The following SLC22A23 variants were observed in gnomAD, a reference collection of about 807,000 sequenced individuals.
The protein encoded by SLC22A23 is ion transporter protein.
In SLC22A23, 26 loss-of-function variants were observed where a neutral mutation model predicts 61.0. The observed-to-expected ratio is 0.43, with a 90% CI of 0.31 to 0.59. The LOEUF is 0.59. SLC22A23 is among the 20% of genes least tolerant of loss of function. The pLI, the probability that SLC22A23 is intolerant of heterozygous loss-of-function variation, is 0.11. For synonymous variants in SLC22A23, 430 were observed against 413.9 expected (o/e 1.04, Z -0.47); for missense variants, 796 against 934.7 (o/e 0.85, Z 1.94).
chr6:3,421,230 C>A (rs1190851561), intron 1 of SLC22A23, among the ~76,000 whole-genome samples: 1 of 152,132 alleles, frequency 6.6e-6, no homozygotes, highest in Non-Finnish European at 1.5e-5. Flanking sequence ...ATAAACTAGG[C>A]ACTGTTTTTC....
chr6:3,436,172 G>A (rs986812590), intron 1 of SLC22A23, among the ~76,000 whole-genome samples: 4 of 151,260 alleles, frequency 2.6e-5, no homozygotes, highest in Non-Finnish European at 4.4e-5. Context: ...TTTTTTTTGA[G>A]ACGGAGTCTC....
rs1758551161 is a variant in SLC22A23, at chr6:3,272,672, C to T, written c.*383G>A. On this transcript the variant is annotated 3_prime_UTR_variant, in exon 10 of 10. Transcript: ENST00000406686. ...TCCTGGGTGCTGCCAGGAGCCGTGT[C>T]CCATCTCCCCAGAGGGACCGGCCAT... 1 of 158,686 alleles carries T rather than the reference C, an allele frequency of 6.3e-6. No individual in the cohort carries two copies. Among genetic ancestry groups the T allele is most frequent in the African/African-American group, 2.4e-5 (1 of 41,632 alleles). The allele number at this position is 158,686 out of a possible 1,614,324, so 9.8% of individuals were successfully genotyped here.
At chr6:3,287,974 C>T (rs567002097) in intron 6 of SLC22A23, among the ~76,000 whole-genome samples, 7 of 152,310 alleles carry the variant, frequency 4.6e-5, no homozygotes, top group East Asian at 1.9e-4. Flanking sequence ...TGTGAGCCAC[C>T]GCACCCGGCC....
intron 9 of SLC22A23, among the ~76,000 whole-genome samples, chr6:3,274,164 G>GTAGA (rs1273904138): frequency 6.6e-6 from 1 of 152,212 alleles, no homozygotes; most frequent in African/African-American, 2.4e-5. Context: ...CCAGGGATTA[G>GTAGA]TAGATACGCA....
intron 9 of SLC22A23, chr6:3,283,564 C>G: frequency 2.5e-6 from 1 of 398,986 alleles, no homozygotes; most frequent in Non-Finnish European, 4.8e-6. Flanking sequence ...CTGCACTCCC[C>G]CCCTTGCCAG....
In SLC22A23 at chr6:3,379,249, C is replaced by G. The variant is rs115929624; in HGVS notation, c.913+30939G>C. ...CCTCCACCAAGGGGACTTCGGCTTC[C>G]CCCAATAAACATGCTCTTTCCTCTT... On this transcript the variant is annotated intron_variant, in intron 3 of 9. Coordinates refer to ENST00000406686, the MANE Select transcript of SLC22A23 (RefSeq NM_015482.2). Among the ~76,000 whole-genome samples, 1,210 of 152,252 alleles carry G rather than the reference C, an allele frequency of 7.9e-3. 16 individuals carry two copies. The highest frequency in any genetic ancestry group is 0.027 in the African/African-American group (1,127 of 41,548).
At chr6:3,391,337 T>A (rs1767647292) in intron 3 of SLC22A23, among the ~76,000 whole-genome samples, 1 of 152,242 alleles carries the variant, frequency 6.6e-6, no homozygotes, top group African/African-American at 2.4e-5. Context: ...CAAATCCATC[T>A]GGGTCATGAG....
chr6:3,354,668 G>A (rs1764966181), intron 3 of SLC22A23, among the ~76,000 whole-genome samples: 1 of 152,222 alleles, frequency 6.6e-6, no homozygotes, highest in African/African-American at 2.4e-5. Flanking sequence ...AAGAGTGTTA[G>A]GGGGAAGTCA....
Position 3,299,998 on chromosome 6 carries a change from C to CCTTTTTTTTTTTTTT in SLC22A23, c.1083-1781_1083-1780insAAAAAAAAAAAAAAG, listed in dbSNP as rs1761465869. 2.5e-5 allele frequency among the ~76,000 whole-genome samples: 2 copies of CCTTTTTTTTTTTTTT among 78,802 alleles called. 1 individual carries two copies. Among genetic ancestry groups the CCTTTTTTTTTTTTTT allele is most frequent in the African/African-American group, 8.9e-5 (2 of 22,570 alleles). 51.7% of individuals were successfully genotyped at this position (78,802 alleles called of 152,430 possible). ...ACCTGCTTTGCAAGCTCAGGATAGA[C>CCTTTTTTTTTTTTTT]TTTTTTTTTTTTTTTTTTTTTTTTT... On this transcript the variant is annotated intron_variant, in intron 4 of 9. Transcript: ENST00000406686.
At chr6:3,441,009 A>G (rs1377125390) in intron 1 of SLC22A23, among the ~76,000 whole-genome samples, 2 of 152,338 alleles carry the variant, frequency 1.3e-5, no homozygotes, top group East Asian at 3.9e-4. Flanking sequence ...TCTGTAGTGG[A>G]GAGACCACAT....
At chr6:3,378,430 G>A (rs565807155) in intron 3 of SLC22A23, among the ~76,000 whole-genome samples, 1 of 152,178 alleles carries the variant, frequency 6.6e-6, no homozygotes. Context: ...AGCGACCATT[G>A]CTGCTGTTGC....
intron 5 of SLC22A23, among the ~76,000 whole-genome samples, chr6:3,295,129 A>T (rs1760962299): frequency 6.6e-6 from 1 of 152,272 alleles, no homozygotes; most frequent in South Asian, 2.1e-4. Flanking sequence ...GTCTGGCTCT[A>T]CAGACGGGCC....
chr6:3,361,261 G>A (rs1489645403), intron 3 of SLC22A23, among the ~76,000 whole-genome samples: 2 of 150,242 alleles, frequency 1.3e-5, no homozygotes, highest in Non-Finnish European at 1.5e-5. Flanking sequence ...CCCAAGCCCT[G>A]CCCTTTAGAG....
At chr6:3,417,397 T>G (rs369166942) in intron 1 of SLC22A23, among the ~76,000 whole-genome samples, 17 of 152,310 alleles carry the variant, frequency 1.1e-4, no homozygotes, top group African/African-American at 3.8e-4. Context: ...AAGGGCCTCA[T>G]CAATAAAAGA....
Position 3,325,872 on chromosome 6 carries a change from A to G in SLC22A23, c.914-1870T>C, listed in dbSNP as rs573714674. Among the ~76,000 whole-genome samples the G allele has an allele frequency of 7.2e-5, 11 of 152,352 alleles. No homozygotes were observed. In the South Asian group the frequency reaches 2.1e-3, roughly 29 times the overall value. On this transcript the variant is annotated intron_variant, in intron 3 of 9. Coordinates refer to ENST00000406686, the MANE Select transcript of SLC22A23 (RefSeq NM_015482.2). ...TCCAGGTAACCTTTAAACAAAGTCA[A>G]AGAGATAATGTGGAAACAGCATGAT...
intron 6 of SLC22A23, among the ~76,000 whole-genome samples, chr6:3,287,892 A>G (rs1217549817): frequency 6.6e-6 from 1 of 152,038 alleles, no homozygotes; most frequent in Non-Finnish European, 1.5e-5. Flanking sequence ...ACCATGTTGG[A>G]CAGGCTGGCC....
At chr6:3,306,823 C>T (rs1008888556) in intron 4 of SLC22A23, among the ~76,000 whole-genome samples, 5 of 152,186 alleles carry the variant, frequency 3.3e-5, no homozygotes, top group Non-Finnish European at 7.3e-5. Context: ...TCTAAAGAGC[C>T]GTTCAGGACA....
intron 3 of SLC22A23, chr6:3,377,694 G>A (rs1050675611): frequency 6.6e-6 from 1 of 152,308 alleles, no homozygotes; most frequent in African/African-American, 2.4e-5. Flanking sequence ...ACTAAAGAAA[G>A]ACAATGAGCA....
At chr6:3,428,475 A>G (rs1347267610) in intron 1 of SLC22A23, among the ~76,000 whole-genome samples, 1 of 152,172 alleles carries the variant, frequency 6.6e-6, no homozygotes, top group East Asian at 1.9e-4. Flanking sequence ...CTCGGGCTTC[A>G]TGGGCTTGGC....
Sources: allele counts gnomAD v4.1 joint callset (sites outside exome capture counted in the v4.1 genomes callset), GRCh38; gene constraint gnomAD v4.1.1; transcripts MANE v1.5; gene names NCBI Gene and HGNC (gene_info 2026-07-23, HGNC 2026-07-21).